MPDZ: variants seen among roughly 807,000 people sequenced by gnomAD.
MPDZ encodes multiple PDZ domain protein.
In MPDZ, 234 loss-of-function variants were observed where a neutral mutation model predicts 239.1. The observed-to-expected ratio is 0.98, with a 90% CI of 0.88 to 1.09. MPDZ has a LOEUF of 1.09. MPDZ is among the 50% of genes least tolerant of loss of function. The probability of loss-of-function intolerance (pLI) is 0.00; values close to 1 mark genes in which losing one functional copy is unlikely to be tolerated. For missense variants in MPDZ, 3,175 were observed against 2,510.0 expected (o/e 1.26, Z -5.66); for synonymous variants, 1,048 against 881.3 (o/e 1.19, Z -3.35).
intron 3 of MPDZ, among the ~76,000 whole-genome samples, chr9:13,237,277 T>C (rs1964295921): frequency 2.0e-5 from 3 of 149,620 alleles, no homozygotes; most frequent in African/African-American, 2.5e-5. Context: ...AGCCCGTCTC[T>C]ACAAAAAAAA....
At chr9:13,251,400 TA>T (rs1454485026) in intron 1 of MPDZ, among the ~76,000 whole-genome samples, 1 of 152,194 alleles carries the variant, frequency 6.6e-6, no homozygotes, top group African/African-American at 2.4e-5. Context: ...TTCTTTGAAA[TA>T]CTGGATACAG....
Position 13,110,030 on chromosome 9 carries a change from C to A in MPDZ, c.5864G>T (p.Gly1955Val). The A allele has an allele frequency of 6.2e-7, 1 of 1,613,296 alleles. No homozygotes were observed. The highest frequency in any genetic ancestry group is 8.5e-7 in the Non-Finnish European group (1 of 1,179,712). The change falls in exon 45 of 47, where the codon GGT (glycine) becomes GTT (valine). Residue 1955 changes from glycine to valine, a missense_variant. Gly to Val is a moderately radical substitution (Grantham distance 109). Coordinates refer to ENST00000319217, the MANE Select transcript of MPDZ (RefSeq NM_001378778.1). ...VAGGDVSVVT[G>V]HQQEPASSSL... ...GGAACTTGCAGGCTCCTGCTGATGA[C>A]CTGTGACCACACTCACGTCTCCTCC...
intron 2 of MPDZ, 85 bp downstream of exon 2, chr9:13,250,215 C>T: frequency 7.8e-7 from 1 of 1,274,846 alleles, no homozygotes; most frequent in Non-Finnish European, 1.1e-6. Flanking sequence ...CAGAATCCTG[C>T]TATGTTAAAC....
chr9:13,138,504 A>T (rs1196830405), intron 28 of MPDZ, among the ~76,000 whole-genome samples: 1 of 152,228 alleles, frequency 6.6e-6, no homozygotes, highest in African/African-American at 2.4e-5. Flanking sequence ...GAACTAAGGC[A>T]TCCAGAATAT....
chr9:13,271,890 G>C (rs1458416533), intron 1 of MPDZ, among the ~76,000 whole-genome samples: 2 of 152,064 alleles, frequency 1.3e-5, no homozygotes, highest in African/African-American at 4.8e-5. Flanking sequence ...TCAGACAAAA[G>C]AGAACATACT....
intron 3 of MPDZ, among the ~76,000 whole-genome samples, chr9:13,246,646 C>T (rs1265951310): frequency 6.6e-6 from 1 of 152,126 alleles, no homozygotes; most frequent in Non-Finnish European, 1.5e-5. Flanking sequence ...AGTTATATGA[C>T]ATTAAACAAA....
At chr9:13,228,606 A>T (rs1194579856) in intron 3 of MPDZ, among the ~76,000 whole-genome samples, 1 of 152,170 alleles carries the variant, frequency 6.6e-6, no homozygotes, top group Non-Finnish European at 1.5e-5. Context: ...CCATAGCATA[A>T]GCCCAAATAC....
rs1476193558 is a variant in MPDZ, at chr9:13,219,646, A to C, written c.999T>G (p.Ile333Met). The C allele has an allele frequency of 6.2e-7, 1 of 1,612,604 alleles. No homozygotes were observed. Among genetic ancestry groups the C allele is most frequent in the African/African-American group, 1.3e-5 (1 of 74,838 alleles). ...TACGTTCTTCTATGGCACCTCTTGC[A>C]ATCATCAACTTAACTCTATTTCCAC... ...RQCGNRVKLM[I>M]ARGAIEERTA... Residue 333 changes from isoleucine to methionine, a missense_variant, in exon 8 of 47, where the codon ATT becomes ATG. Coordinates refer to ENST00000319217, the MANE Select transcript of MPDZ (RefSeq NM_001378778.1).
chr9:13,257,923 T>C (rs1037796313), intron 1 of MPDZ, among the ~76,000 whole-genome samples: 2 of 152,206 alleles, frequency 1.3e-5, no homozygotes, highest in African/African-American at 4.8e-5. Context: ...AATCCTACTA[T>C]GTACATGCTA....
chr9:13,261,008 C>G (rs1229282197), intron 1 of MPDZ, among the ~76,000 whole-genome samples: 3 of 152,142 alleles, frequency 2.0e-5, no homozygotes, highest in Non-Finnish European at 2.9e-5. Context: ...GCTGGGCTCC[C>G]TAATTCAAGG....
At chr9:13,115,399 G>A (rs2131320557) in intron 39 of MPDZ, 65 bp from the exon 40 acceptor site, 2 of 1,347,262 alleles carry the variant, frequency 1.5e-6, no homozygotes, top group African/African-American at 1.4e-5. Flanking sequence ...TCATCTTTAG[G>A]AATACATTTT....
At chr9:13,137,756 CT>C (rs1305051382) in intron 29 of MPDZ, among the ~76,000 whole-genome samples, 200 bp downstream of exon 29, 1 of 152,152 alleles carries the variant, frequency 6.6e-6, no homozygotes, top group African/African-American at 2.4e-5. Context: ...CAGTCATGAC[CT>C]TTTAATGGAA....
chr9:13,143,965 T>G (rs1192830165), intron 26 of MPDZ, among the ~76,000 whole-genome samples: 1 of 152,100 alleles, frequency 6.6e-6, no homozygotes, highest in Non-Finnish European at 1.5e-5. Flanking sequence ...AAAGCTAATT[T>G]TTTTTAAATA....
chr9:13,233,117 T>A (rs951109533), intron 3 of MPDZ, among the ~76,000 whole-genome samples: 1 of 152,158 alleles, frequency 6.6e-6, no homozygotes, highest in African/African-American at 2.4e-5. Flanking sequence ...GTTGGACTTA[T>A]AATCGCTTTG....
chr9:13,264,156 A>G (rs1002041614), intron 1 of MPDZ, among the ~76,000 whole-genome samples: 39 of 152,292 alleles, frequency 2.6e-4, no homozygotes, highest in Admixed American at 1.8e-3. Flanking sequence ...TAACAAATGT[A>G]TTTATACCAA....
At chr9:13,123,042 T>C (rs967330092) in intron 36 of MPDZ, 111 bp downstream of exon 36, 1 of 1,141,576 alleles carries the variant, frequency 8.8e-7, no homozygotes, top group Non-Finnish European at 1.2e-6. Flanking sequence ...AATACAGGTT[T>C]TTTCGGCCTT....
chr9:13,119,271 G>A (rs1337144505), intron 39 of MPDZ, among the ~76,000 whole-genome samples: 1 of 152,050 alleles, frequency 6.6e-6, no homozygotes. Flanking sequence ...TTTTTGTAGA[G>A]ATGGGATTTT....
chr9:13,174,535 G>C (rs1952210378), intron 21 of MPDZ, among the ~76,000 whole-genome samples: 1 of 152,088 alleles, frequency 6.6e-6, no homozygotes, highest in Non-Finnish European at 1.5e-5. Flanking sequence ...AAAAGATATT[G>C]AGATGTAAAA....
At chr9:13,271,068 T>C (rs1025701437) in intron 1 of MPDZ, among the ~76,000 whole-genome samples, 3 of 152,202 alleles carry the variant, frequency 2.0e-5, no homozygotes, top group Non-Finnish European at 4.4e-5. Flanking sequence ...CAAAAGTTTA[T>C]GGAAAGCCTC....
Sources: gnomAD v4.1 joint callset for allele counts (sites outside exome capture counted in the v4.1 genomes callset) on GRCh38, gnomAD v4.1.1 for gene constraint, MANE v1.5 for transcripts, NCBI Gene and HGNC (gene_info 2026-07-23, HGNC 2026-07-21) for gene names.